The following GAB2 variants were observed in gnomAD, a reference collection of about 807,000 sequenced individuals.
GAB2 encodes the protein GRB2-associated-binding protein 2.
A neutral mutation model predicts 65.5 loss-of-function variants in GAB2; 26 were observed. The ratio of observed to expected loss-of-function variants is 0.40; its 90% CI spans 0.29 to 0.55. The LOEUF is 0.55. Among genes scored for constraint, GAB2 ranks in the 20% least tolerant of loss-of-function variants. The pLI, the probability that GAB2 is intolerant of heterozygous loss-of-function variation, is 0.53. For synonymous variants in GAB2, 321 were observed against 329.6 expected (o/e 0.97, Z 0.28); for missense variants, 884 against 875.8 (o/e 1.01, Z -0.12).
chr11:78,238,288 G>A (rs3102742), intron 3 of GAB2, among the ~76,000 whole-genome samples: 3 of 150,640 alleles, frequency 2.0e-5, no homozygotes, highest in Non-Finnish European at 4.4e-5. Context: ...AGCACTTTGG[G>A]AAGCTAATGT....
At chr11:78,279,371 A>T (rs1206409006) in intron 2 of GAB2, among the ~76,000 whole-genome samples, 1 of 152,212 alleles carries the variant, frequency 6.6e-6, no homozygotes, top group Non-Finnish European at 1.5e-5. Context: ...TCCACAGTTC[A>T]CATGTCCACG....
intron 3 of GAB2, among the ~76,000 whole-genome samples, chr11:78,238,198 G>C (rs1408552087): frequency 8.2e-6 from 1 of 122,242 alleles, no homozygotes; most frequent in African/African-American, 3.0e-5. Context: ...AAAAGTTGAG[G>C]GAAGAAACAA....
chr11:78,245,119 A>C (rs560661636), intron 3 of GAB2, among the ~76,000 whole-genome samples: 55 of 152,310 alleles, frequency 3.6e-4, no homozygotes, highest in Non-Finnish European at 8.8e-5. Context: ...TCAGACTCAC[A>C]CAGACAGAAA....
chr11:78,225,006 G>A (rs1590942728), intron 5 of GAB2, 102 bp downstream of exon 5: 2 of 727,204 alleles, frequency 2.8e-6, no homozygotes, highest in Non-Finnish European at 4.8e-6. Flanking sequence ...TCCTAAGATG[G>A]AGACGCCATC....
intron 1 of GAB2, among the ~76,000 whole-genome samples, chr11:78,281,245 T>C (rs1035119242): frequency 6.4e-5 from 5 of 78,030 alleles, no homozygotes; most frequent in African/African-American, 2.2e-4. Context: ...CTGACCTTAA[T>C]GCATTTTTTT....
chr11:78,287,383 A>T (rs377346349), intron 1 of GAB2, among the ~76,000 whole-genome samples: 3 of 152,244 alleles, frequency 2.0e-5, no homozygotes, highest in African/African-American at 4.8e-5. Flanking sequence ...GCTCAAGTGA[A>T]TCTCCCACCT....
chr11:78,255,538 T>A (rs999369840), intron 2 of GAB2, among the ~76,000 whole-genome samples: 3 of 152,200 alleles, frequency 2.0e-5, no homozygotes, highest in African/African-American at 7.2e-5. Flanking sequence ...CCCTGCTACT[T>A]CTTCCTCCGT....
intron 1 of GAB2, 115 bp downstream of exon 1, chr11:78,417,531 C>G: frequency 2.5e-6 from 1 of 398,370 alleles, no homozygotes; most frequent in Non-Finnish European, 3.6e-6. Flanking sequence ...GCCCCCGGCC[C>G]CCCGCGGCTC....
At chr11:78,286,997 T>C (rs986823881) in intron 1 of GAB2, among the ~76,000 whole-genome samples, 4 of 152,210 alleles carry the variant, frequency 2.6e-5, no homozygotes, top group African/African-American at 9.7e-5. Flanking sequence ...ATTATGGACT[T>C]ACACATAAAA....
intron 1 of GAB2, among the ~76,000 whole-genome samples, chr11:78,314,302 C>G (rs758443421): frequency 6.6e-6 from 1 of 152,232 alleles, no homozygotes; most frequent in East Asian, 1.9e-4. Context: ...TATAGACAGA[C>G]AGACAATAGC....
intron 1 of GAB2, among the ~76,000 whole-genome samples, chr11:78,347,560 C>T (rs964624306): frequency 1.7e-4 from 26 of 152,150 alleles, no homozygotes; most frequent in African/African-American, 5.8e-4. Context: ...AATAAAGTTC[C>T]TGATACATAA....
At chr11:78,314,094 G>C (rs1855553394) in intron 1 of GAB2, among the ~76,000 whole-genome samples, 1 of 152,240 alleles carries the variant, frequency 6.6e-6, no homozygotes, top group Non-Finnish European at 1.5e-5. Flanking sequence ...AAGGCCAGGA[G>C]GGGAAGTAAA....
rs768583909 is a variant in GAB2 at position 78,219,410 on chromosome 11, A to T, written c.1893T>A (p.Ser631=). The change falls in exon 10 of 10, where the codon TCT becomes TCA. Residue 631 remains serine, a synonymous_variant. Transcript: ENST00000361507. ...PSSPSPHRKP[S]TSSVTSDEKV... is the part of the protein sequence containing the mutation. ...TCTCATCAGAGGTGACGGATGAAGT[A>T]GATGGCTGAGGGGACAGAGTGGGAA... is the stretch of plus-strand genomic sequence containing the variant. 1.2e-6 allele frequency: 2 copies of T among 1,613,964 alleles called. 1 individual carries two copies. Among genetic ancestry groups the T allele is most frequent in the South Asian group, 2.2e-5 (2 of 91,074 alleles).
At chr11:78,383,692 A>C in intron 1 of GAB2, among the ~76,000 whole-genome samples, 1 of 151,988 alleles carries the variant, frequency 6.6e-6, no homozygotes, top group East Asian at 1.9e-4. Context: ...CAGGAGGCAG[A>C]GGTTGCAGTA....
intron 1 of GAB2, among the ~76,000 whole-genome samples, chr11:78,363,514 T>C (rs1032101585): frequency 1.3e-5 from 2 of 152,042 alleles, no homozygotes; most frequent in Non-Finnish European, 2.9e-5. Flanking sequence ...GTACTGAGAA[T>C]ACACAGATGA....
At position 78,216,911 on chromosome 11, in the gene GAB2, C is replaced by G. The variant is rs576004419; in HGVS notation, c.*2361G>C. On this transcript the variant is annotated 3_prime_UTR_variant, in exon 10 of 10. Transcript: ENST00000361507. ...CTGCCCAGTGTAGCTACCACCACTGCTTCCATTCACTTATTGGAACACCAA... is the reference window on the plus strand; with the variant it reads ...CTGCCCAGTGTAGCTACCACCACTGGTTCCATTCACTTATTGGAACACCAA... 6.6e-6 allele frequency: 1 copy of G among 152,346 alleles called. No homozygotes were observed. Among genetic ancestry groups the G allele is most frequent in the African/African-American group, 2.4e-5 (1 of 41,454 alleles). 9.4% of individuals were successfully genotyped at this position (152,346 alleles called of 1,614,324 possible).
At chr11:78,298,046 G>C (rs1866889238) in intron 1 of GAB2, among the ~76,000 whole-genome samples, 1 of 152,084 alleles carries the variant, frequency 6.6e-6, no homozygotes, top group African/African-American at 2.4e-5. Flanking sequence ...GCTGTGAATG[G>C]TTTTAAATTT....
In GAB2 at chr11:78,233,040, GTTT is replaced by G. The variant is rs372693456; in HGVS notation, c.621-5992_621-5990del. Among the ~76,000 whole-genome samples the G allele has an allele frequency of 5.8e-3, 760 of 131,966 alleles. 14 individuals carry two copies. Among genetic ancestry groups the G allele is most frequent in the African/African-American group, 0.022 (733 of 33,282 alleles). The allele number at this position is 131,966 out of a possible 152,430, so 86.6% of individuals were successfully genotyped here. On this transcript the variant is annotated intron_variant, in intron 3 of 9. Coordinates refer to ENST00000361507, the MANE Select transcript of GAB2 (RefSeq NM_080491.3). ...ACTTACCAATACCTGGCACTGTTAA[GTTT>G]TTTTTTTTTTTTTGGTGACAAGGTC...
At chr11:78,293,704 C>T (rs1211460280) in intron 1 of GAB2, among the ~76,000 whole-genome samples, 1 of 152,122 alleles carries the variant, frequency 6.6e-6, no homozygotes, top group Non-Finnish European at 1.5e-5. Context: ...AGATTCAACT[C>T]CAGGACCTTT....
Sources: gnomAD v4.1 joint callset for allele counts (sites outside exome capture counted in the v4.1 genomes callset) on GRCh38, gnomAD v4.1.1 for gene constraint, MANE v1.5 for transcripts, NCBI Gene and HGNC (gene_info 2026-07-23, HGNC 2026-07-21) for gene names.